Variants in PCCA observed in about 807,000 individuals in gnomAD.
PCCA encodes the protein propionyl-CoA carboxylase subunit alpha.
PCCA carries 74 observed loss-of-function variants against 101.3 expected under a neutral mutation model. The observed-to-expected ratio is 0.73, with a 90% CI of 0.61 to 0.89. The LOEUF is 0.89. PCCA is among the 40% of genes least tolerant of loss of function. The probability of loss-of-function intolerance (pLI) is 0.00; values close to 1 mark genes in which losing one functional copy is unlikely to be tolerated. For synonymous variants in PCCA, 294 were observed against 313.6 expected, an observed-to-expected ratio of 0.94 and a Z score of 0.66; for missense variants, 891 against 907.0, an observed-to-expected ratio of 0.98 and a Z score of 0.23.
rs370340243 is a variant in PCCA at position 100,102,233 on chromosome 13, G to A, written c.106-650G>A. On this transcript the variant is annotated intron_variant, in intron 1 of 23. Transcript: ENST00000376285. Reference sequence around the variant, plus strand: ...TTGGCTCACTGCCACCTCAAACTCTGGGGCTCAAGTAATACTCCCACCTCT... The same window carrying A: ...TTGGCTCACTGCCACCTCAAACTCTAGGGCTCAAGTAATACTCCCACCTCT... Among the ~76,000 whole-genome samples the A allele has an allele frequency of 2.2e-4, 34 of 151,930 alleles. No individual in the cohort carries two copies. In the East Asian group the frequency reaches 6.4e-3, roughly 29 times the overall value.
chr13:100,103,793 G>A lies in PCCA; in HGVS notation c.183+833G>A, dbSNP rs535716410. ...TGGGATTACAGGTGCGCCCCACCAC[G>A]CCCGTCTAATTTTTGTGTTTGTAGT... On this transcript the variant is annotated intron_variant, in intron 2 of 23. Transcript: ENST00000376285. 2.0e-5 allele frequency among the ~76,000 whole-genome samples: 3 copies of A among 150,532 alleles called. No homozygotes were observed. In the South Asian group the frequency reaches 6.3e-4, roughly 32 times the overall value.
chr13:100,275,105 T>C (rs1277951984), intron 12 of PCCA, among the ~76,000 whole-genome samples: 2 of 152,078 alleles, frequency 1.3e-5, no homozygotes, highest in Admixed American at 1.3e-4. Flanking sequence ...TGGGTCGAGC[T>C]TAAGCCTTCC....
chr13:100,388,950 G>A (rs928213248), intron 19 of PCCA, among the ~76,000 whole-genome samples: 2 of 152,204 alleles, frequency 1.3e-5, no homozygotes, highest in African/African-American at 4.8e-5. Context: ...CATATTTATA[G>A]CACCATGCAT....
intron 19 of PCCA, among the ~76,000 whole-genome samples, chr13:100,407,326 G>A (rs1328219306): frequency 1.3e-5 from 2 of 152,198 alleles, no homozygotes; most frequent in African/African-American, 4.8e-5. Context: ...CGAAAAGCCA[G>A]TTGTCAGGAA....
At chr13:100,165,714 G>A (rs1025672831) in intron 6 of PCCA, among the ~76,000 whole-genome samples, 2 of 152,010 alleles carry the variant, frequency 1.3e-5, no homozygotes, top group African/African-American at 2.4e-5. Flanking sequence ...TCACTCTCCT[G>A]TACACTTCAG....
At chr13:100,157,399 ATGGCTTTGTAAATG>A in intron 6 of PCCA, 59 bp downstream of exon 6, 1 of 1,159,866 alleles carries the variant, frequency 8.6e-7, no homozygotes. Context: ...GTGTGGTAGC[ATGGCTTTGTAAATG>A]TGGGTAGTGA....
intron 19 of PCCA, among the ~76,000 whole-genome samples, chr13:100,373,781 A>C (rs2075726615): frequency 6.6e-6 from 1 of 152,224 alleles, no homozygotes; most frequent in South Asian, 2.1e-4. Context: ...AGTAAAACAT[A>C]CACAAAACAA....
At chr13:100,521,944 G>T (rs928584239) in intron 22 of PCCA, among the ~76,000 whole-genome samples, 3 of 152,218 alleles carry the variant, frequency 2.0e-5, no homozygotes, top group African/African-American at 7.2e-5. Context: ...GACAACAAAA[G>T]AAGCCTCCTT....
At chr13:100,352,706 T>C (rs537052187) in intron 18 of PCCA, among the ~76,000 whole-genome samples, 1 of 152,002 alleles carries the variant, frequency 6.6e-6, no homozygotes, top group African/African-American at 2.4e-5. Flanking sequence ...TTTTTGTATT[T>C]TTTTTTTCTT....
At chr13:100,150,588 T>A (rs1019323868) in intron 4 of PCCA, 10 of 1,214,468 alleles carry the variant, frequency 8.2e-6, no homozygotes, top group Non-Finnish European at 1.2e-5. Flanking sequence ...GCCAGGGCTC[T>A]TTTGGCCTGC....
chr13:100,437,436 A>AAG (rs386380452), intron 20 of PCCA, among the ~76,000 whole-genome samples: 4 of 62,080 alleles, frequency 6.4e-5, no homozygotes, highest in African/African-American at 3.1e-4. Flanking sequence ...TCAGAATTTT[A>AAG]AAGTCTTTTT....
intron 7 of PCCA, among the ~76,000 whole-genome samples, chr13:100,224,506 G>C (rs1384913122): frequency 6.6e-6 from 1 of 152,126 alleles, no homozygotes; most frequent in African/African-American, 2.4e-5. Flanking sequence ...CCACAGTGCA[G>C]GGGTGGGCTG....
At chr13:100,348,756 CTT>C (rs1248572354) in intron 18 of PCCA, among the ~76,000 whole-genome samples, 1 of 65,830 alleles carries the variant, frequency 1.5e-5, no homozygotes, top group South Asian at 5.2e-4. Flanking sequence ...TTCTTTCTTT[CTT>C]TCTTTCTTTC....
intron 19 of PCCA, among the ~76,000 whole-genome samples, chr13:100,412,295 T>TG (rs2078102667): frequency 6.6e-6 from 1 of 152,190 alleles, no homozygotes; most frequent in South Asian, 2.1e-4. Flanking sequence ...TGGGAATAAA[T>TG]GCGGAAGTAT....
At chr13:100,408,670 G>T (rs558544908) in intron 19 of PCCA, among the ~76,000 whole-genome samples, 1 of 152,152 alleles carries the variant, frequency 6.6e-6, no homozygotes, top group Non-Finnish European at 1.5e-5. Flanking sequence ...CCTAAGGCAG[G>T]ATTGCTAAAC....
At chr13:100,296,699 T>G (rs1306252875) in intron 12 of PCCA, among the ~76,000 whole-genome samples, 1 of 152,228 alleles carries the variant, frequency 6.6e-6, no homozygotes, top group Non-Finnish European at 1.5e-5. Flanking sequence ...TGGAAGCATT[T>G]CAGAGTAAGT....
rs532653405 is a variant in PCCA at position 100,302,949 on chromosome 13, C to T, written c.1235C>T (p.Pro412Leu). The T allele has an allele frequency of 1.9e-6, 3 of 1,605,492 alleles. No individual in the cohort carries two copies. Among genetic ancestry groups the T allele is most frequent in the Admixed American group, 1.7e-5 (1 of 59,976 alleles). The change falls in exon 14 of 24, where the codon CCA becomes CTA. Residue 412 changes from proline (P) to leucine (L), a missense_variant. Pro to Leu is a moderately conservative substitution (Grantham distance 98, BLOSUM62 -3). Coordinates refer to ENST00000376285, the MANE Select transcript of PCCA (RefSeq NM_000282.4). Reference sequence around the variant, plus strand: ...GACCCCTACAAGTCTTTTGGTTTACCATCTATTGGGAGATTGTCTCAGTAC... The same window carrying T: ...GACCCCTACAAGTCTTTTGGTTTACTATCTATTGGGAGATTGTCTCAGTAC... ...AEDPYKSFGL[P>L]SIGRLSQYQE...
Position 100,348,934 on chromosome 13 carries a change from C to CTTTTCTTTTCT in PCCA, c.1643+8678_1643+8679insTCTTTTCTTTT, listed in dbSNP as rs112432655. Among the ~76,000 whole-genome samples the CTTTTCTTTTCT allele has an allele frequency of 7.4e-4, 42 of 56,626 alleles. 1 individual carries two copies. The South Asian group carries it at 0.03, about 41-fold the overall frequency. 37.1% of individuals were successfully genotyped at this position (56,626 alleles called of 152,430 possible). On this transcript the variant is annotated intron_variant, in intron 18 of 23. Transcript: ENST00000376285. The stretch of plus-strand genomic sequence containing the variant: ...CCTTTCTTTTCTTTTCTTTTCTTTT[C>CTTTTCTTTTCT]TTTCTTTTCTTTCTTTTCTTTCTTT...
At chr13:100,402,461 T>G (rs528522646) in intron 19 of PCCA, among the ~76,000 whole-genome samples, 1 of 152,300 alleles carries the variant, frequency 6.6e-6, no homozygotes, top group Admixed American at 6.5e-5. Context: ...TTAGATAATT[T>G]TTATTTTAAT....
Sources: allele counts gnomAD v4.1 joint callset (sites outside exome capture counted in the v4.1 genomes callset), GRCh38; gene constraint gnomAD v4.1.1; transcripts MANE v1.5; gene names NCBI Gene and HGNC (gene_info 2026-07-23, HGNC 2026-07-21).